SIPA1L1: variants seen among roughly 807,000 people sequenced by gnomAD.
SIPA1L1 encodes signal induced proliferation associated 1 like 1.
SIPA1L1 carries 26 observed loss-of-function variants against 162.7 expected under a neutral mutation model. That is an observed-to-expected ratio of 0.16 (90% CI 0.12 to 0.22). The LOEUF is 0.22. Among genes scored for constraint, SIPA1L1 ranks in the 10% least tolerant of loss-of-function variants. SIPA1L1 has a pLI of 1.00. For missense variants in SIPA1L1, 1,874 were observed against 2,241.0 expected (o/e 0.84, Z 3.31); for synonymous variants, 829 against 837.4 (o/e 0.99, Z 0.17).
At chr14:71,552,181 A>G (rs1401989731) in intron 4 of SIPA1L1, among the ~76,000 whole-genome samples, 1 of 152,180 alleles carries the variant, frequency 6.6e-6, no homozygotes, top group Non-Finnish European at 1.5e-5. Flanking sequence ...GTAAAGAATA[A>G]ATGTATCCTA....
At chr14:71,429,109 G>A (rs1275642809) in intron 2 of SIPA1L1, among the ~76,000 whole-genome samples, 1 of 152,220 alleles carries the variant, frequency 6.6e-6, no homozygotes, top group East Asian at 1.9e-4. Context: ...AGTAATAGTT[G>A]CTGAGATATT....
In SIPA1L1 at chr14:71,705,269, C is replaced by T; in HGVS notation, c.3694C>T (p.Arg1232Ter). Residue 1232 changes from arginine to a stop codon, truncating the protein, a stop_gained, in exon 16 of 24, where the codon CGA becomes TGA. Coordinates refer to ENST00000381232, the MANE Select transcript of SIPA1L1 (RefSeq NM_001386936.1). LOFTEE classifies it high-confidence loss of function. ...AGTATCAAAGGTACTGCCAGCTTTCCGAGAGAGCCCCAGTGGGAGATTAAT... is the reference window on the plus strand; with the variant it reads ...AGTATCAAAGGTACTGCCAGCTTTCTGAGAGAGCCCCAGTGGGAGATTAAT... Reference protein sequence around the residue: ...PAVSKVLPAFRESPSGRLMRQ... With the variant: ...PAVSKVLPAF 6.2e-7 allele frequency: 1 copy of T among 1,614,152 alleles called. No homozygotes were observed. Among genetic ancestry groups the T allele is most frequent in the Non-Finnish European group, 8.5e-7 (1 of 1,180,014 alleles).
chr14:71,502,255 A>AATATATATATATATAT (rs60241101), intron 2 of SIPA1L1, among the ~76,000 whole-genome samples: 47 of 97,540 alleles, frequency 4.8e-4, no homozygotes, highest in African/African-American at 2.0e-3. Context: ...AAAAAAAAAA[A>AATATATATATATATAT]ATATATATAT....
chr14:71,543,595 T>C (rs1010361952), intron 4 of SIPA1L1, among the ~76,000 whole-genome samples: 3 of 152,162 alleles, frequency 2.0e-5, no homozygotes, highest in South Asian at 4.1e-4. Flanking sequence ...TTCTGCTGGG[T>C]GTTTAATAGT....
chr14:71,648,637 C>T, intron 7 of SIPA1L1, among the ~76,000 whole-genome samples: 1 of 152,144 alleles, frequency 6.6e-6, no homozygotes, highest in East Asian at 1.9e-4. Flanking sequence ...CAGTACCCCA[C>T]AATCAATTAT....
chr14:71,468,068 G>A (rs1415257031), intron 2 of SIPA1L1, among the ~76,000 whole-genome samples: 1 of 151,156 alleles, frequency 6.6e-6, no homozygotes, highest in Non-Finnish European at 1.5e-5. Flanking sequence ...CTGTCTGTCT[G>A]TTACAGGGAC....
At position 71,529,345 on chromosome 14, in the gene SIPA1L1, T is replaced by C; in HGVS notation, c.-328T>C. ...TTATTGGTGTGGACGTTGTCTAAAT[T>C]TCGGTAGCCATGGCACAAGAATATA... is the stretch of plus-strand genomic sequence containing the variant. On this transcript the variant is annotated 5_prime_UTR_variant, in exon 4 of 24. Transcript: ENST00000381232. 1.5e-6 allele frequency: 1 copy of C among 684,050 alleles called. No homozygotes were observed. The highest frequency in any genetic ancestry group is 2.1e-5 in the Admixed American group (1 of 47,220). 42.4% of individuals were successfully genotyped at this position (684,050 alleles called of 1,614,324 possible).
In SIPA1L1 at chr14:71,446,906, G is replaced by GTTTTT. The variant is rs1189940440; in HGVS notation, c.-464-65818_-464-65814dup. ...AGAGATGGGCTCTGTTTTTTTTTTT[G>GTTTTT]TTTTTTTTTTTTTTTTTTTTTTTGA... On this transcript the variant is annotated intron_variant, in intron 2 of 23. Transcript: ENST00000381232. Among the ~76,000 whole-genome samples the GTTTTT allele has an allele frequency of 6.5e-3, 344 of 53,128 alleles. 7 individuals are homozygous for GTTTTT. The highest frequency in any genetic ancestry group is 0.013 in the African/African-American group (154 of 11,862). The allele number at this position is 53,128 out of a possible 152,430, so 34.9% of individuals were successfully genotyped here.
Position 71,718,926 on chromosome 14 carries a change from CT to C in SIPA1L1, c.4209-4711del, listed in dbSNP as rs895316458. On this transcript the variant is annotated intron_variant, in intron 17 of 23. Coordinates refer to ENST00000381232, the MANE Select transcript of SIPA1L1 (RefSeq NM_001386936.1). The stretch of plus-strand genomic sequence containing the variant: ...CAATTTTGGATATTCAGAATCTTTG[CT>C]TTTTTTTTTCCTCTTCTTTTTATTT... 5.2e-3 allele frequency among the ~76,000 whole-genome samples: 762 copies of C among 147,932 alleles called. 4 individuals carry two copies. The highest frequency in any genetic ancestry group is 0.017 in the African/African-American group (703 of 40,412).
At chr14:71,376,191 A>G (rs113124653) in intron 2 of SIPA1L1, among the ~76,000 whole-genome samples, 2,673 of 152,238 alleles carry the variant, frequency 0.018, 35 homozygotes, top group African/African-American at 0.026. Flanking sequence ...AATATTTTAA[A>G]TAACAGATTT....
chr14:71,322,301 G>T (rs1227118866), intron 2 of SIPA1L1, among the ~76,000 whole-genome samples: 5 of 152,166 alleles, frequency 3.3e-5, no homozygotes, highest in African/African-American at 1.2e-4. Flanking sequence ...TCCGTCCAAG[G>T]CAAAGATTCT....
intron 2 of SIPA1L1, among the ~76,000 whole-genome samples, chr14:71,449,403 G>C (rs1200415307): frequency 6.6e-6 from 1 of 152,110 alleles, no homozygotes; most frequent in Non-Finnish European, 1.5e-5. Context: ...TGAGACAATG[G>C]GCAGAATTCT....
At chr14:71,577,730 CTTTTTTTTTT>C (rs5809525) in intron 4 of SIPA1L1, among the ~76,000 whole-genome samples, 7 of 97,158 alleles carry the variant, frequency 7.2e-5, no homozygotes, top group African/African-American at 1.7e-4. Context: ...TTGGGCATGC[CTTTTTTTTTT>C]TTTTTTTTTT....
intron 2 of SIPA1L1, among the ~76,000 whole-genome samples, chr14:71,510,776 A>C (rs1265993143): frequency 6.6e-6 from 1 of 152,164 alleles, no homozygotes; most frequent in Non-Finnish European, 1.5e-5. Context: ...AATCGATGAG[A>C]CAGTCAAAGT....
At chr14:71,721,381 A>C (rs1241386899) in intron 17 of SIPA1L1, among the ~76,000 whole-genome samples, 7 of 152,238 alleles carry the variant, frequency 4.6e-5, no homozygotes, top group African/African-American at 1.7e-4. Flanking sequence ...GCACAGGGTC[A>C]GACCTGAAGA....
intron 20 of SIPA1L1, 123 bp downstream of exon 20, chr14:71,730,424 A>C (rs1597275853): frequency 1.8e-6 from 2 of 1,104,754 alleles, no homozygotes; most frequent in East Asian, 2.4e-5. Flanking sequence ...GTCTCAGCTC[A>C]CCCGCCCCTT....
At chr14:71,330,382 A>G in intron 2 of SIPA1L1, 1 of 1,000,940 alleles carries the variant, frequency 1.0e-6, no homozygotes, top group Non-Finnish European at 1.6e-6. Context: ...GTAGGGAAAG[A>G]AGCGGACATG....
intron 2 of SIPA1L1, among the ~76,000 whole-genome samples, chr14:71,421,241 C>T (rs1256100334): frequency 6.6e-6 from 1 of 152,096 alleles, no homozygotes; most frequent in African/African-American, 2.4e-5. Context: ...TTTTTATTTT[C>T]TGTTAAATCT....
intron 2 of SIPA1L1, among the ~76,000 whole-genome samples, chr14:71,496,072 G>GAA (rs61282539): frequency 2.2e-4 from 29 of 129,564 alleles, no homozygotes; most frequent in South Asian, 4.9e-4. Flanking sequence ...TAAAAAAAAA[G>GAA]AAAAAAAAAA....
Sources: gnomAD v4.1 joint callset for allele counts (sites outside exome capture counted in the v4.1 genomes callset) on GRCh38, gnomAD v4.1.1 for gene constraint, MANE v1.5 for transcripts, NCBI Gene and HGNC (gene_info 2026-07-23, HGNC 2026-07-21) for gene names.